Variants in GALNT13 observed in about 807,000 individuals in gnomAD.
GALNT13 encodes the protein UDP-GalNAc:polypeptide N-acetylgalactosaminyltransferase 13.
GALNT13 carries 28 observed loss-of-function variants against 64.2 expected under a neutral mutation model. The observed-to-expected ratio is 0.44, with a 90% CI of 0.32 to 0.60. GALNT13 has a LOEUF of 0.60. GALNT13 is among the 20% of genes least tolerant of loss of function. The pLI is 0.05. For missense variants in GALNT13, 577 were observed against 669.8 expected (o/e 0.86, Z 1.53); for synonymous variants, 214 against 224.6 (o/e 0.95, Z 0.42).
chr2:153,545,115 AAAG>A, the GALNT13 span, among the ~76,000 whole-genome samples: 2 of 152,164 alleles, frequency 1.3e-5, no homozygotes, highest in Admixed American at 6.5e-5. Context: ...CAGAAAAAAA[AAAG>A]GAGCGCTTAA....
At chr2:153,799,201 T>G in the GALNT13 span, among the ~76,000 whole-genome samples, 1 of 152,176 alleles carries the variant, frequency 6.6e-6, no homozygotes, top group Non-Finnish European at 1.5e-5. Flanking sequence ...GTATTTGGTT[T>G]TTTTCTATGG....
At chr2:153,510,392 C>T in the GALNT13 span, among the ~76,000 whole-genome samples, 1 of 152,098 alleles carries the variant, frequency 6.6e-6, no homozygotes, top group African/African-American at 2.4e-5. Flanking sequence ...TACTGAGTGT[C>T]TAGGATAAGC....
chr2:154,295,209 G>A (rs927117159), intron 8 of GALNT13, among the ~76,000 whole-genome samples: 5 of 152,070 alleles, frequency 3.3e-5, no homozygotes, highest in African/African-American at 4.8e-5. Flanking sequence ...GAATTTAGTG[G>A]AGTACAGATT....
intron 9 of GALNT13, among the ~76,000 whole-genome samples, chr2:154,355,179 G>GTA (rs1236975512): frequency 2.0e-5 from 3 of 152,024 alleles, no homozygotes; most frequent in Non-Finnish European, 4.4e-5. Flanking sequence ...AGCTCAGGTT[G>GTA]TATAGCCTGT....
the GALNT13 span, among the ~76,000 whole-genome samples, chr2:153,797,256 A>G: frequency 1.3e-5 from 2 of 152,228 alleles, no homozygotes; most frequent in African/African-American, 2.4e-5. Flanking sequence ...TCAATCTGAA[A>G]GAACGAATGT....
At chr2:153,505,681 G>A in the GALNT13 span, among the ~76,000 whole-genome samples, 1 of 151,980 alleles carries the variant, frequency 6.6e-6, no homozygotes, top group Non-Finnish European at 1.5e-5. Flanking sequence ...GTTTTGTTAG[G>A]AGTTAATTTC....
chr2:153,186,216 C>G, the GALNT13 span, among the ~76,000 whole-genome samples: 2 of 151,870 alleles, frequency 1.3e-5, no homozygotes, highest in South Asian at 4.2e-4. Context: ...ATGTCATGCC[C>G]TTCTTTGTCT....
the GALNT13 span, among the ~76,000 whole-genome samples, chr2:153,409,380 A>G: frequency 4.4e-4 from 66 of 150,180 alleles, no homozygotes; most frequent in African/African-American, 1.5e-3. Flanking sequence ...ATGTGTGTAT[A>G]TATATATATA....
chr2:153,127,037 A>G, the GALNT13 span, among the ~76,000 whole-genome samples: 1 of 152,186 alleles, frequency 6.6e-6, no homozygotes, highest in Non-Finnish European at 1.5e-5. Context: ...AATGAACCAG[A>G]AATTAAAAGG....
the GALNT13 span, among the ~76,000 whole-genome samples, chr2:153,556,422 T>C: frequency 6.6e-6 from 1 of 152,224 alleles, no homozygotes; most frequent in Non-Finnish European, 1.5e-5. Context: ...AACATATCTT[T>C]AAGTAAATTT....
chr2:153,634,540 A>ATTT, the GALNT13 span, among the ~76,000 whole-genome samples: 1 of 125,290 alleles, frequency 8.0e-6, no homozygotes, highest in African/African-American at 3.2e-5. Flanking sequence ...AAAGATGGAA[A>ATTT]TCTTTTTTTT....
intron 4 of GALNT13, among the ~76,000 whole-genome samples, chr2:154,164,607 T>C (rs1684919683): frequency 6.6e-6 from 1 of 152,134 alleles, no homozygotes; most frequent in African/African-American, 2.4e-5. Flanking sequence ...AACAGAGAAT[T>C]GTTATGTTAA....
At chr2:153,115,357 A>G in the GALNT13 span, among the ~76,000 whole-genome samples, 4 of 152,210 alleles carry the variant, frequency 2.6e-5, no homozygotes, top group Non-Finnish European at 2.9e-5. Flanking sequence ...CAAGTGCAAT[A>G]AAACAATGCC....
chr2:153,593,741 T>C, the GALNT13 span, among the ~76,000 whole-genome samples: 1 of 152,190 alleles, frequency 6.6e-6, no homozygotes, highest in South Asian at 2.1e-4. Flanking sequence ...TTCAGTGCTT[T>C]AATGTTCAAT....
At chr2:154,212,244 A>G (rs142700262) in intron 4 of GALNT13, among the ~76,000 whole-genome samples, 279 of 152,000 alleles carry the variant, frequency 1.8e-3, no homozygotes, top group Middle Eastern at 0.01. Context: ...AAGAAATTCA[A>G]TCAGGCATTT....
At chr2:153,857,052 G>C in the GALNT13 span, among the ~76,000 whole-genome samples, 2 of 152,244 alleles carry the variant, frequency 1.3e-5, no homozygotes, top group South Asian at 4.1e-4. Context: ...TAGAAATTGG[G>C]ATACTGGTTA....
the GALNT13 span, among the ~76,000 whole-genome samples, chr2:153,635,407 TA>T: frequency 6.8e-6 from 1 of 147,468 alleles, no homozygotes; most frequent in East Asian, 2.0e-4. Context: ...TGTATATATA[TA>T]TATATATACA....
chr2:153,516,988 A>G, the GALNT13 span, among the ~76,000 whole-genome samples: 837 of 151,448 alleles, frequency 5.5e-3, 2 homozygotes, highest in African/African-American at 0.019. Context: ...ATTAGTAACT[A>G]TTTTTTCCTC....
the GALNT13 span, among the ~76,000 whole-genome samples, chr2:153,199,675 A>C: frequency 0.16 from 24,873 of 152,180 alleles, 2,141 homozygotes; most frequent in Non-Finnish European, 0.18. Flanking sequence ...CTAAAAATTT[A>C]AATATAAGAT....
Sources: allele counts gnomAD v4.1 joint callset (sites outside exome capture counted in the v4.1 genomes callset), GRCh38; gene constraint gnomAD v4.1.1; transcripts MANE v1.5; gene names NCBI Gene and HGNC (gene_info 2026-07-23, HGNC 2026-07-21).